The following CHRNA5 variants were observed in gnomAD, a reference collection of about 807,000 sequenced individuals.
The protein encoded by CHRNA5 is cholinergic receptor nicotinic alpha 5 subunit, also known as neuronal acetylcholine receptor subunit alpha-5.
CHRNA5 carries 28 observed loss-of-function variants against 41.2 expected under a neutral mutation model. The ratio of observed to expected loss-of-function variants is 0.68; its 90% CI spans 0.50 to 0.93. The LOEUF is 0.93. Ranked by LOEUF, CHRNA5 falls within the 40% of genes least tolerant of loss-of-function variation. The pLI, the probability that CHRNA5 is intolerant of heterozygous loss-of-function variation, is 0.00. For synonymous variants in CHRNA5, 188 were observed against 205.8 expected, an observed-to-expected ratio of 0.91 and a Z score of 0.74; for missense variants, 481 against 581.9, an observed-to-expected ratio of 0.83 and a Z score of 1.78.
At chr15:78,577,614 G>A (rs1404039923) in intron 1 of CHRNA5, among the ~76,000 whole-genome samples, 1 of 152,070 alleles carries the variant, frequency 6.6e-6, no homozygotes, top group Non-Finnish European at 1.5e-5. Context: ...CCCCACTCAG[G>A]CAAAGGTTCC....
chr15:78,592,013 T>C (rs1156536327), intron 5 of CHRNA5, among the ~76,000 whole-genome samples: 1 of 152,212 alleles, frequency 6.6e-6, no homozygotes, highest in Non-Finnish European at 1.5e-5. Context: ...AGGTTGGTTT[T>C]ATTTTCAGAT....
At position 78,590,865 on chromosome 15, in the gene CHRNA5, A is replaced by G. The variant is rs942325043; in HGVS notation, c.1245+229A>G. 1.7e-4 allele frequency: 86 copies of G among 512,174 alleles called. 4 individuals carry two copies. In the South Asian group the frequency reaches 2.1e-3, roughly 13 times the overall value. 31.7% of individuals were successfully genotyped at this position (512,174 alleles called of 1,614,324 possible). ...CAAATCTCACTTCTCCACTTCCCCC[A>G]TCAGCATCTTGGATAACTCTAAAGA... On this transcript the variant is annotated intron_variant, in intron 5 of 5. Coordinates refer to ENST00000299565, the Ensembl canonical transcript of CHRNA5.
intron 1 of CHRNA5, among the ~76,000 whole-genome samples, chr15:78,568,174 C>T (rs2052766922): frequency 6.6e-6 from 1 of 152,054 alleles, no homozygotes; most frequent in South Asian, 2.1e-4. Context: ...AGCCAGTTCC[C>T]AGGTAAAGAG....
At chr15:78,574,380 CAAA>C (rs61655864) in intron 1 of CHRNA5, among the ~76,000 whole-genome samples, 12 of 123,240 alleles carry the variant, frequency 9.7e-5, no homozygotes, top group East Asian at 4.7e-4. Flanking sequence ...AACGCTGTCT[CAAA>C]AAAAAAAAAA....
intron 1 of CHRNA5, among the ~76,000 whole-genome samples, chr15:78,567,439 A>G (rs1461768891): frequency 6.6e-6 from 1 of 152,232 alleles, no homozygotes; most frequent in African/African-American, 2.4e-5. Flanking sequence ...CTTTTAATAT[A>G]GAACACTGTA....
intron 2 of CHRNA5, among the ~76,000 whole-genome samples, chr15:78,581,533 A>G (rs1266858235): frequency 6.6e-6 from 1 of 152,196 alleles, no homozygotes; most frequent in Non-Finnish European, 1.5e-5. Flanking sequence ...CTGAACATGT[A>G]AATCAATAAT....
intron 1 of CHRNA5, among the ~76,000 whole-genome samples, chr15:78,568,271 T>G (rs1375237058): frequency 6.6e-6 from 1 of 152,088 alleles, no homozygotes; most frequent in Admixed American, 6.6e-5. Context: ...TAAAGTATAA[T>G]ATATTAAAGT....
At chr15:78,575,078 T>C (rs555629558) in intron 1 of CHRNA5, among the ~76,000 whole-genome samples, 1 of 152,148 alleles carries the variant, frequency 6.6e-6, no homozygotes, top group Non-Finnish European at 1.5e-5. Flanking sequence ...GCTTTGCAGT[T>C]CTGTGTCCTT....
At chr15:78,569,432 ATTTTTTTTT>A (rs202079097) in intron 1 of CHRNA5, among the ~76,000 whole-genome samples, 1 of 137,392 alleles carries the variant, frequency 7.3e-6, no homozygotes, top group South Asian at 2.3e-4. Flanking sequence ...AAATATTGGA[ATTTTTTTTT>A]TTTTTTTTTT....
intron 3 of CHRNA5, 57 bp downstream of exon 3, chr15:78,586,746 TTATATGTA>T: frequency 1.7e-6 from 2 of 1,155,400 alleles, no homozygotes; most frequent in Middle Eastern, 2.0e-4. Flanking sequence ...CCTATTTTTA[TTATATGTA>T]TTGTAGCAGA....
chr15:78,576,845 T>A (rs1398703450), intron 1 of CHRNA5, among the ~76,000 whole-genome samples: 1 of 151,524 alleles, frequency 6.6e-6, no homozygotes, highest in Non-Finnish European at 1.5e-5. Context: ...TCAGCCTATA[T>A]GTAGTGCTAT....
In CHRNA5 at chr15:78,589,915, C is replaced by T. The variant is rs780615731; in HGVS notation, c.524C>T (p.Thr175Met). Residue 175 changes from threonine to methionine, a missense_variant, in exon 5 of 6, where the codon ACG becomes ATG. Transcript: ENST00000299565. ...AAAAGTTCCTGTACCATAGATGTCA[C>T]GTTTTTCCCATTTGACCTTCAGAAC... 82 of 1,614,024 alleles carry T rather than the reference C, an allele frequency of 5.1e-5. 1 individual carries two copies. Among genetic ancestry groups the T allele is most frequent in the Middle Eastern group, 4.9e-4 (3 of 6,084 alleles).
At chr15:78,584,271 T>G (rs2052939247) in intron 2 of CHRNA5, among the ~76,000 whole-genome samples, 1 of 152,224 alleles carries the variant, frequency 6.6e-6, no homozygotes, top group Non-Finnish European at 1.5e-5. Context: ...TCTGTCTTTT[T>G]TTTGTTTTTA....
exon 6 of CHRNA5, chr15:78,594,113 C>T (rs1171385584): frequency 1.3e-5 from 2 of 152,126 alleles, no homozygotes; most frequent in African/African-American, 4.8e-5. Flanking sequence ...AAATGAAAAA[C>T]AGGAATTGGG....
intron 2 of CHRNA5, among the ~76,000 whole-genome samples, chr15:78,585,090 G>A (rs1167046933): frequency 6.6e-6 from 1 of 152,082 alleles, no homozygotes; most frequent in Non-Finnish European, 1.5e-5. Context: ...GCTACTTTTT[G>A]TATTTTTAGT....
At chr15:78,571,759 C>A (rs77135685) in intron 1 of CHRNA5, among the ~76,000 whole-genome samples, 2 of 152,118 alleles carry the variant, frequency 1.3e-5, no homozygotes, top group East Asian at 3.9e-4. Flanking sequence ...TCCTATAATT[C>A]TGTGATAAAA....
chr15:78,569,497 A>G (rs1490922032), intron 1 of CHRNA5, among the ~76,000 whole-genome samples: 2 of 147,824 alleles, frequency 1.4e-5, no homozygotes, highest in African/African-American at 5.0e-5. Context: ...GCAGTGGTGC[A>G]ATCTCGGCTC....
chr15:78,583,033 T>G (rs1163657614), intron 2 of CHRNA5, among the ~76,000 whole-genome samples: 1 of 152,214 alleles, frequency 6.6e-6, no homozygotes, highest in Non-Finnish European at 1.5e-5. Context: ...TTCAAAATTT[T>G]TTTTTTTTTG....
At chr15:78,571,054 C>G (rs2052800171) in intron 1 of CHRNA5, among the ~76,000 whole-genome samples, 1 of 152,186 alleles carries the variant, frequency 6.6e-6, no homozygotes, top group Non-Finnish European at 1.5e-5. Flanking sequence ...CAGGAATTCC[C>G]TCAGAACGCA....
Sources: gnomAD v4.1 joint callset for allele counts (sites outside exome capture counted in the v4.1 genomes callset) on GRCh38, gnomAD v4.1.1 for gene constraint, MANE v1.5 for transcripts, NCBI Gene and HGNC (gene_info 2026-07-23, HGNC 2026-07-21) for gene names.